Variants in KLHL14 observed in about 807,000 individuals in gnomAD.
KLHL14 encodes kelch like family member 14.
KLHL14 carries 22 observed loss-of-function variants against 64.3 expected under a neutral mutation model. The ratio of observed to expected loss-of-function variants is 0.34; its 90% CI spans 0.24 to 0.49. KLHL14 has a LOEUF of 0.49. KLHL14 is among the 20% of genes least tolerant of loss of function. The pLI is 0.99. For missense variants in KLHL14, 661 were observed against 789.0 expected (o/e 0.84, Z 1.94); for synonymous variants, 322 against 333.4 (o/e 0.97, Z 0.37).
intron 3 of KLHL14, chr18:32,738,146 G>C (rs1598570735): frequency 6.6e-6 from 1 of 152,124 alleles, no homozygotes; most frequent in East Asian, 1.9e-4. Context: ...AAATGGAATG[G>C]AGAGCTCTCC....
At chr18:32,772,128 G>T (rs1458702462) in intron 1 of KLHL14, 2 of 251,996 alleles carry the variant, frequency 7.9e-6, no homozygotes, top group South Asian at 4.5e-5. Context: ...CCGCCCGCCC[G>T]GGGGAGAGCC....
chr18:32,735,844 G>A (rs183954365), intron 3 of KLHL14, among the ~76,000 whole-genome samples: 1 of 152,252 alleles, frequency 6.6e-6, no homozygotes, highest in East Asian at 1.9e-4. Context: ...CTGTTACATA[G>A]AAGATACCAA....
At chr18:32,703,436 T>A (rs2049975888) in intron 3 of KLHL14, among the ~76,000 whole-genome samples, 1 of 152,190 alleles carries the variant, frequency 6.6e-6, no homozygotes, top group African/African-American at 2.4e-5. Flanking sequence ...GTAAGGATTC[T>A]ATGGCTTCTA....
At chr18:32,728,115 T>C (rs1331028399) in intron 3 of KLHL14, among the ~76,000 whole-genome samples, 1 of 152,210 alleles carries the variant, frequency 6.6e-6, no homozygotes, top group Non-Finnish European at 1.5e-5. Context: ...TATGCATGCA[T>C]ATTTAGGATG....
intron 3 of KLHL14, among the ~76,000 whole-genome samples, chr18:32,702,286 T>C (rs993768498): frequency 2.0e-5 from 3 of 151,672 alleles, no homozygotes; most frequent in African/African-American, 7.2e-5. Context: ...GAAAGAAAGA[T>C]GCTTCCCTTT....
At chr18:32,759,842 G>A (rs909635938) in intron 2 of KLHL14, among the ~76,000 whole-genome samples, 5 of 152,070 alleles carry the variant, frequency 3.3e-5, no homozygotes, top group African/African-American at 1.2e-4. Flanking sequence ...CTGTGCTACT[G>A]GGCACACACT....
At chr18:32,753,280 C>G (rs2144541779) in intron 2 of KLHL14, among the ~76,000 whole-genome samples, 1 of 152,204 alleles carries the variant, frequency 6.6e-6, no homozygotes, top group Middle Eastern at 3.4e-3. Context: ...GCTCTGAAAA[C>G]CTGTTACATT....
chr18:32,705,024 G>T (rs926867425), intron 3 of KLHL14, among the ~76,000 whole-genome samples: 1 of 152,190 alleles, frequency 6.6e-6, no homozygotes, highest in African/African-American at 2.4e-5. Context: ...TTTCCAGGCT[G>T]TTGCAGCAGT....
At chr18:32,754,517 T>A (rs1021329077) in intron 2 of KLHL14, among the ~76,000 whole-genome samples, 1 of 152,192 alleles carries the variant, frequency 6.6e-6, no homozygotes, top group African/African-American at 2.4e-5. Flanking sequence ...ATGGTAGAAA[T>A]GAATATTTTG....
chr18:32,676,075 T>TACA (rs1366468623), intron 8 of KLHL14, among the ~76,000 whole-genome samples: 2 of 152,176 alleles, frequency 1.3e-5, no homozygotes, highest in African/African-American at 4.8e-5. Context: ...CCTGATGTAC[T>TACA]GTAATTTGAA....
At chr18:32,750,772 C>T (rs2050247232) in intron 2 of KLHL14, among the ~76,000 whole-genome samples, 1 of 152,272 alleles carries the variant, frequency 6.6e-6, no homozygotes, top group South Asian at 2.1e-4. Context: ...CGGCCATCAG[C>T]TGGATTCAGC....
chr18:32,695,938 A>G (rs1188013378), intron 3 of KLHL14, among the ~76,000 whole-genome samples: 3 of 152,164 alleles, frequency 2.0e-5, no homozygotes, highest in Non-Finnish European at 4.4e-5. Context: ...AGTAACCCTG[A>G]ATACACTTGG....
At chr18:32,712,428 G>C (rs1415060392) in intron 3 of KLHL14, among the ~76,000 whole-genome samples, 3 of 152,202 alleles carry the variant, frequency 2.0e-5, no homozygotes, top group African/African-American at 7.2e-5. Flanking sequence ...CCTTTTGTTA[G>C]CCTGGATGGA....
chr18:32,676,386 G>C (rs1176693411), intron 8 of KLHL14, among the ~76,000 whole-genome samples: 2 of 152,148 alleles, frequency 1.3e-5, no homozygotes, highest in African/African-American at 4.8e-5. Context: ...ACATAATGAT[G>C]AAATATAAGA....
chr18:32,767,874 G>C (rs2050354925), intron 2 of KLHL14, among the ~76,000 whole-genome samples: 1 of 152,146 alleles, frequency 6.6e-6, no homozygotes, highest in Non-Finnish European at 1.5e-5. Context: ...TTTATACCGT[G>C]TTATACATAT....
At chr18:32,697,141 T>G (rs899326045) in intron 3 of KLHL14, among the ~76,000 whole-genome samples, 1 of 152,154 alleles carries the variant, frequency 6.6e-6, no homozygotes, top group Admixed American at 6.5e-5. Context: ...AGTTTATCTC[T>G]GTGAAAAACG....
rs2049833741 is a variant in KLHL14, at chr18:32,680,585, T to C, written c.1253A>G (p.Tyr418Cys). ...PPMQERRASF[Y>C]ACRLDKHLYV... is the part of the protein sequence containing the mutation. ...TAAATGCTTGTCCAACCGACATGCA[T>C]AGAAACTGGCTCTTCTACAATGAAA... Residue 418 changes from tyrosine (Y) to cysteine (C), a missense_variant, in exon 6 of 9, where the codon TAT becomes TGT. Tyr to Cys is a radical substitution (Grantham distance 194). Around this residue, in one of 2 missense-constraint regions of KLHL14, gnomAD observed 330 missense variants for 450.0 expected, o/e 0.73. Transcript: ENST00000359358. The surrounding 1 kb of genome is among the most constrained non-coding windows in gnomAD (Gnocchi z 4.8). 2 of 1,610,550 alleles carry C rather than the reference T, an allele frequency of 1.2e-6. No individual in the cohort carries two copies. The highest frequency in any genetic ancestry group is 4.5e-5 in the East Asian group (2 of 44,644).
intron 2 of KLHL14, among the ~76,000 whole-genome samples, chr18:32,763,898 G>A (rs907263619): frequency 5.9e-5 from 9 of 152,158 alleles, no homozygotes; most frequent in African/African-American, 2.2e-4. Context: ...ATTGGGGTCT[G>A]AGACAGACAC....
chr18:32,690,381 A>T (rs149223521), intron 4 of KLHL14, among the ~76,000 whole-genome samples: 4 of 152,280 alleles, frequency 2.6e-5, no homozygotes, highest in African/African-American at 9.6e-5. Context: ...GGGGAAGGAG[A>T]TATACACTGG....
Sources: allele counts gnomAD v4.1 joint callset (sites outside exome capture counted in the v4.1 genomes callset), GRCh38; gene constraint gnomAD v4.1.1; regional missense constraint gnomAD v4.1.1; non-coding constraint Gnocchi (gnomAD v3.1); transcripts MANE v1.5; gene names NCBI Gene and HGNC (gene_info 2026-07-23, HGNC 2026-07-21).